Variants in FARS2 observed in about 807,000 individuals in gnomAD.
The protein encoded by FARS2 is phenylalanine--tRNA ligase, mitochondrial.
In FARS2, 40 loss-of-function variants were observed where a neutral mutation model predicts 46.4. That is an observed-to-expected ratio of 0.86 (90% CI 0.67 to 1.12). The LOEUF is 1.12. Among genes scored for constraint, FARS2 ranks in the 50% most tolerant of loss-of-function variants. FARS2 has a pLI of 0.00. For missense variants in FARS2, 513 were observed against 567.9 expected, an observed-to-expected ratio of 0.90 and a Z score of 0.98; for synonymous variants, 234 against 214.9, an observed-to-expected ratio of 1.09 and a Z score of -0.78.
At chr6:5,275,906 A>T (rs1766301141) in intron 1 of FARS2, among the ~76,000 whole-genome samples, 1 of 152,186 alleles carries the variant, frequency 6.6e-6, no homozygotes, top group African/African-American at 2.4e-5. Flanking sequence ...ATTTTATATT[A>T]TCTTAAGCTT....
intron 1 of FARS2, among the ~76,000 whole-genome samples, chr6:5,291,893 A>G (rs943730386): frequency 6.6e-6 from 1 of 152,250 alleles, no homozygotes; most frequent in Non-Finnish European, 1.5e-5. Flanking sequence ...ATACTATTTT[A>G]TTACTCCAAA....
intron 4 of FARS2, among the ~76,000 whole-genome samples, chr6:5,482,311 G>A (rs115110072): frequency 0.01 from 1,567 of 152,214 alleles, 27 homozygotes; most frequent in African/African-American, 0.036. Context: ...AAATTACACA[G>A]CATCTTATTA....
intron 6 of FARS2, among the ~76,000 whole-genome samples, chr6:5,705,018 A>G (rs1025630511): frequency 2.0e-5 from 3 of 152,194 alleles, no homozygotes; most frequent in African/African-American, 7.2e-5. Context: ...CAAAATTATT[A>G]TTATTAATAT....
intron 4 of FARS2, among the ~76,000 whole-genome samples, chr6:5,520,316 G>C (rs181423582): frequency 6.6e-6 from 1 of 152,222 alleles, no homozygotes; most frequent in African/African-American, 2.4e-5. Flanking sequence ...CTTCCCACTG[G>C]AGTCTCACTC....
intron 4 of FARS2, among the ~76,000 whole-genome samples, chr6:5,532,783 T>TAAGAAGAAGAAGAAGAAGAAG (rs756604628): frequency 2.2e-4 from 31 of 138,748 alleles, no homozygotes; most frequent in African/African-American, 8.5e-4. Flanking sequence ...ATAATAATAA[T>TAAGAAGAAGAAGAAGAAGAAG]AAGAAGAAGA....
chr6:5,312,938 A>G (rs1043776938), intron 1 of FARS2, among the ~76,000 whole-genome samples: 2 of 152,156 alleles, frequency 1.3e-5, no homozygotes, highest in Admixed American at 1.3e-4. Context: ...CCTTGTGTTC[A>G]GTGATATAAT....
At chr6:5,356,214 C>T (rs111412844) in intron 1 of FARS2, among the ~76,000 whole-genome samples, 2 of 152,240 alleles carry the variant, frequency 1.3e-5, no homozygotes, top group African/African-American at 2.4e-5. Context: ...TTTGGGAGGC[C>T]GAGGTGGGCG....
At chr6:5,420,387 C>T (rs1762476930) in intron 3 of FARS2, among the ~76,000 whole-genome samples, 2 of 152,216 alleles carry the variant, frequency 1.3e-5, no homozygotes, top group Admixed American at 1.3e-4. Context: ...CAAAAGTTCA[C>T]AGTCTCAAAT....
At chr6:5,390,659 A>T (rs1429646912) in intron 2 of FARS2, among the ~76,000 whole-genome samples, 1 of 152,162 alleles carries the variant, frequency 6.6e-6, no homozygotes, top group Non-Finnish European at 1.5e-5. Flanking sequence ...CAAACATATT[A>T]TGCCTACATT....
chr6:5,432,334 ATATATATATATATATAT>A (rs1225284366), intron 4 of FARS2, among the ~76,000 whole-genome samples: 15,017 of 59,222 alleles, frequency 0.25, 1,141 homozygotes, highest in Non-Finnish European at 0.29. Context: ...AAAAATATAT[ATATATATATATATATAT>A]TATATATATA....
chr6:5,348,144 T>C (rs1358620900), intron 1 of FARS2, among the ~76,000 whole-genome samples: 1 of 152,230 alleles, frequency 6.6e-6, no homozygotes, highest in Non-Finnish European at 1.5e-5. Flanking sequence ...AAGATGTCTT[T>C]TGAGAAATGT....
In FARS2 at chr6:5,630,578, T is replaced by C. The variant is rs1371885149; in HGVS notation, c.1217+17258T>C. The stretch of plus-strand genomic sequence containing the variant: ...CTCTTCATACTTATGTGTCTGGTAA[T>C]AGGCATTTGAAATAATACTGCAGGG... On this transcript the variant is annotated intron_variant, in intron 6 of 6. Coordinates refer to ENST00000274680, the MANE Select transcript of FARS2 (RefSeq NM_006567.5). This position sits in a 1 kb window ranked among gnomAD's most constrained non-coding sequence, Gnocchi z 4.2. 6.6e-6 allele frequency among the ~76,000 whole-genome samples: 1 copy of C among 152,226 alleles called. No individual in the cohort carries two copies. Among genetic ancestry groups the C allele is most frequent in the Non-Finnish European group, 1.5e-5 (1 of 68,044 alleles).
Position 5,771,276 on chromosome 6 carries a change from T to C in FARS2, c.1218-15T>C, listed in dbSNP as rs779539585. ...GTTCATCCCGCACTCACCTGTGTTC[T>C]CTTCCTCTCTGTAGGACGCACAAGA... is the stretch of plus-strand genomic sequence containing the variant. On this transcript the variant is annotated splice_polypyrimidine_tract_variant and intron_variant, in intron 6 of 6. Transcript: ENST00000274680. 1.9e-6 allele frequency: 3 copies of C among 1,613,996 alleles called. No individual in the cohort carries two copies. The highest frequency in any genetic ancestry group is 2.5e-6 in the Non-Finnish European group (3 of 1,179,924).
At chr6:5,419,902 C>G (rs1409743052) in intron 3 of FARS2, among the ~76,000 whole-genome samples, 2 of 152,172 alleles carry the variant, frequency 1.3e-5, no homozygotes, top group Non-Finnish European at 2.9e-5. Flanking sequence ...TTTATCCTCT[C>G]TTCCTGTTTT....
Position 5,373,458 on chromosome 6 carries a change from A to T in FARS2, c.612+4276A>T, listed in dbSNP as rs540417849. On this transcript the variant is annotated intron_variant, in intron 2 of 6. Transcript: ENST00000274680. ...GATTAATTCTCTAGACCCAACTACC[A>T]TATGTGTAGGACATATTCAGGCTGT... Among the ~76,000 whole-genome samples, 4 of 152,264 alleles carry T rather than the reference A, an allele frequency of 2.6e-5. No homozygotes were observed. In the South Asian group the frequency reaches 6.2e-4, roughly 24 times the overall value.
intron 5 of FARS2, among the ~76,000 whole-genome samples, chr6:5,556,496 A>G (rs969124304): frequency 4.0e-5 from 6 of 151,894 alleles, no homozygotes; most frequent in Non-Finnish European, 7.4e-5. Flanking sequence ...TTATGATGTT[A>G]GGACATTTAA....
At chr6:5,345,058 C>T (rs1757143066) in intron 1 of FARS2, among the ~76,000 whole-genome samples, 1 of 152,004 alleles carries the variant, frequency 6.6e-6, no homozygotes, top group Admixed American at 6.5e-5. Context: ...TCCCAAAGTG[C>T]TGGGATTACA....
intron 2 of FARS2, among the ~76,000 whole-genome samples, chr6:5,397,596 T>A (rs1249710819): frequency 6.6e-6 from 1 of 152,182 alleles, no homozygotes; most frequent in Non-Finnish European, 1.5e-5. Context: ...GCTGTGAACC[T>A]AAAACGATGC....
rs769413543 is a variant in FARS2 at position 5,509,290 on chromosome 6, G to A, written c.905-35890G>A. The stretch of plus-strand genomic sequence containing the variant: ...GTTCTCCTGCCCAGCATTCCTTGGC[G>A]TGGAGCTCGAGGGTGACACTGGGTT... On this transcript the variant is annotated intron_variant, in intron 4 of 6. Coordinates refer to ENST00000274680, the MANE Select transcript of FARS2 (RefSeq NM_006567.5). 3.9e-4 allele frequency among the ~76,000 whole-genome samples: 60 copies of A among 152,328 alleles called. 1 individual carries two copies. The highest frequency in any genetic ancestry group is 7.9e-4 in the Non-Finnish European group (54 of 68,024).
Sources: allele counts gnomAD v4.1 joint callset (sites outside exome capture counted in the v4.1 genomes callset), GRCh38; gene constraint gnomAD v4.1.1; non-coding constraint Gnocchi (gnomAD v3.1); transcripts MANE v1.5; gene names NCBI Gene and HGNC (gene_info 2026-07-23, HGNC 2026-07-21).